LTN1: variants seen among roughly 807,000 people sequenced by gnomAD.
The protein encoded by LTN1 is listerin E3 ubiquitin protein ligase 1.
A neutral mutation model predicts 201.2 loss-of-function variants in LTN1; 88 were observed. The ratio of observed to expected loss-of-function variants is 0.44; its 90% CI spans 0.37 to 0.52. The LOEUF (loss-of-function observed/expected upper bound fraction) is 0.52, where lower values mean the gene tolerates loss of function less well. LTN1 is among the 20% of genes least tolerant of loss of function. The probability of loss-of-function intolerance (pLI) is 0.00; values close to 1 mark genes in which losing one functional copy is unlikely to be tolerated. For missense variants in LTN1, 1,752 were observed against 2,038.7 expected, an observed-to-expected ratio of 0.86 and a Z score of 2.71; for synonymous variants, 645 against 713.5, an observed-to-expected ratio of 0.90 and a Z score of 1.53.
intron 6 of LTN1, among the ~76,000 whole-genome samples, chr21:28,979,735 C>G (rs1233390955): frequency 6.6e-6 from 1 of 151,922 alleles, no homozygotes; most frequent in African/African-American, 2.4e-5. Flanking sequence ...TTTGGGAGGC[C>G]GAGGTGGGTG....
intron 13 of LTN1, among the ~76,000 whole-genome samples, chr21:28,959,002 T>C (rs1256669894): frequency 6.6e-6 from 1 of 152,144 alleles, no homozygotes; most frequent in Non-Finnish European, 1.5e-5. Flanking sequence ...AGTATTTTTT[T>C]ATGTTCCTTT....
intron 16 of LTN1, among the ~76,000 whole-genome samples, chr21:28,954,685 G>A (rs1286683480): frequency 6.6e-6 from 1 of 152,048 alleles, no homozygotes; most frequent in East Asian, 1.9e-4. Context: ...CATATATTGG[G>A]GAAAGGACAT....
At position 28,932,372 on chromosome 21, in the gene LTN1, T is replaced by C. The variant is rs557180891; in HGVS notation, c.5070+98A>G. 4.3e-4 allele frequency: 425 copies of C among 985,568 alleles called. 10 individuals are homozygous for C. The South Asian group carries it at 5.4e-3, about 13-fold the overall frequency. 61.1% of individuals were successfully genotyped at this position (985,568 alleles called of 1,614,324 possible). A position where few individuals can be genotyped will look rare whatever the true frequency, so the allele number is the denominator to read the frequency against. ...TCCAAGGAAGTTTAATATCTACTTT[T>C]ATCTTAAGCAGAAAAGATATATTTT... On this transcript the variant is annotated intron_variant, in intron 28 of 29. Transcript: ENST00000361371.
chr21:28,939,039 G>A (rs2084277257), intron 25 of LTN1, among the ~76,000 whole-genome samples: 2 of 152,112 alleles, frequency 1.3e-5, no homozygotes, highest in Admixed American at 1.3e-4. Flanking sequence ...TTCCACATCT[G>A]AGAATTCAAC....
Position 28,957,444 on chromosome 21 carries a change from A to C in LTN1, c.2780T>G (p.Leu927Trp). ...LQVLLSAVDD[L>W]LNTLLESEDS... Reference sequence around the variant, plus strand: ...TTCACTCTCTAGAAGTGTATTTAGCAAATCATCAACAGCAGACAAGAGGAC... The same window carrying C: ...TTCACTCTCTAGAAGTGTATTTAGCCAATCATCAACAGCAGACAAGAGGAC... The change falls in exon 15 of 30, where the codon TTG (leucine) becomes TGG (tryptophan). Residue 927 changes from leucine to tryptophan, a missense_variant. Physicochemically the swap from Leu to Trp is moderately conservative, Grantham distance 61. This residue lies in a region of LTN1 where 1,211 missense variants were observed against 1,312.8 expected (regional missense o/e 0.92). Coordinates refer to ENST00000361371, the MANE Select transcript of LTN1 (RefSeq NM_015565.3). 6.3e-7 allele frequency: 1 copy of C among 1,587,184 alleles called. No homozygotes were observed.
chr21:28,935,990 T>C (rs1280491262), intron 26 of LTN1, among the ~76,000 whole-genome samples: 3 of 152,174 alleles, frequency 2.0e-5, no homozygotes, highest in Non-Finnish European at 4.4e-5. Context: ...CTGTTATAAA[T>C]TATGAAAAGG....
intron 16 of LTN1, 102 bp downstream of exon 16, chr21:28,956,660 A>C (rs2084427653): frequency 1.7e-6 from 1 of 598,966 alleles, no homozygotes; most frequent in Admixed American, 4.1e-5. Flanking sequence ...AGAAAGCTGA[A>C]GATTCTTGAA....
intron 9 of LTN1, among the ~76,000 whole-genome samples, 196 bp downstream of exon 9, chr21:28,969,270 T>C (rs565248671): frequency 6.6e-6 from 1 of 152,174 alleles, no homozygotes. Flanking sequence ...GTTTCTTAGG[T>C]ATCATACCAT....
chr21:28,945,657 A>G (rs183744933), intron 21 of LTN1, 150 bp downstream of exon 21: 1 of 602,790 alleles, frequency 1.7e-6, no homozygotes, highest in African/African-American at 1.8e-5. Context: ...GTCAAATAGT[A>G]GCTGGTAAGA....
At chr21:28,967,244 C>G (rs2084534530) in intron 9 of LTN1, 65 bp from the exon 10 acceptor site, 2 of 1,154,538 alleles carry the variant, frequency 1.7e-6, no homozygotes, top group East Asian at 5.0e-5. Flanking sequence ...TCCTGGCACA[C>G]AACTCTAAAA....
chr21:28,935,431 C>A, intron 26 of LTN1, 102 bp from the exon 27 acceptor site: 2 of 737,552 alleles, frequency 2.7e-6, no homozygotes, highest in Admixed American at 2.3e-5. Context: ...AATTTCTCAA[C>A]AATAGTGCTA....
chr21:28,942,369 G>T (rs2084303657), intron 24 of LTN1, among the ~76,000 whole-genome samples: 1 of 152,016 alleles, frequency 6.6e-6, no homozygotes, highest in South Asian at 2.1e-4. Flanking sequence ...TCACATTAGT[G>T]TCAGAATCGG....
chr21:28,981,429 CCT>C (rs1397885148), intron 5 of LTN1, 130 bp from the exon 6 acceptor site: 8 of 473,748 alleles, frequency 1.7e-5, no homozygotes, highest in African/African-American at 1.6e-4. Flanking sequence ...TTCTATTTCC[CCT>C]GTGCCAACGC....
intron 11 of LTN1, chr21:28,964,894 G>A (rs535951551): frequency 2.8e-4 from 362 of 1,284,610 alleles, no homozygotes; most frequent in Admixed American, 8.4e-4. Flanking sequence ...AGGGAGAGAA[G>A]GCACTAGATA....
At chr21:28,952,820 C>T (rs1465633814) in intron 17 of LTN1, among the ~76,000 whole-genome samples, 1 of 152,218 alleles carries the variant, frequency 6.6e-6, no homozygotes. Context: ...GGACTGTTTT[C>T]ATACCTGCCT....
At chr21:28,974,722 C>A (rs1271444075) in intron 6 of LTN1, among the ~76,000 whole-genome samples, 1 of 152,114 alleles carries the variant, frequency 6.6e-6, no homozygotes, top group African/African-American at 2.4e-5. Flanking sequence ...AGAAAGGAAC[C>A]CCTATATTCT....
rs2084328858 is a variant in LTN1, at chr21:28,945,291, G to A, written c.3768+516C>T. 4.6e-5 allele frequency among the ~76,000 whole-genome samples: 7 copies of A among 152,198 alleles called. No individual in the cohort carries two copies. In the South Asian group the frequency reaches 1.5e-3, roughly 32 times the overall value. ...AAATAGTTTAAGTTTAAAACTCTAA[G>A]TCACATAGCTAATAGCAGGCAAAGC... On this transcript the variant is annotated intron_variant, in intron 21 of 29. Transcript: ENST00000361371.
chr21:28,959,314 T>C, intron 13 of LTN1, 144 bp downstream of exon 13: 1 of 870,652 alleles, frequency 1.1e-6, no homozygotes. Context: ...GAGCTGAAAG[T>C]GTTTAAGACT....
At chr21:28,967,275 A>G (rs2084534695) in intron 9 of LTN1, 96 bp from the exon 10 acceptor site, 1 of 831,860 alleles carries the variant, frequency 1.2e-6, no homozygotes, top group South Asian at 1.8e-5. Context: ...CTCCAAAGTG[A>G]TATCATTTCA....
Sources: gnomAD v4.1 joint callset for allele counts (sites outside exome capture counted in the v4.1 genomes callset) on GRCh38, gnomAD v4.1.1 for gene constraint, gnomAD v4.1.1 regional missense constraint, MANE v1.5 for transcripts, NCBI Gene and HGNC (gene_info 2026-07-23, HGNC 2026-07-21) for gene names.